Variants in KIF13B observed in about 807,000 individuals in gnomAD.
The protein encoded by KIF13B is kinesin family member 13B, also known as kinesin-like protein KIF13B.
KIF13B carries 127 observed loss-of-function variants against 222.0 expected under a neutral mutation model. The observed-to-expected ratio is 0.57, with a 90% CI of 0.50 to 0.66. KIF13B has a LOEUF of 0.66. Among genes scored for constraint, KIF13B ranks in the 30% least tolerant of loss-of-function variants. KIF13B has a pLI of 0.00. For missense variants in KIF13B, 2,173 were observed against 2,379.0 expected (o/e 0.91, Z 1.80); for synonymous variants, 976 against 919.0 (o/e 1.06, Z -1.12).
At chr8:29,100,709 CA>C (rs1008504928) in intron 35 of KIF13B, among the ~76,000 whole-genome samples, 29 of 152,160 alleles carry the variant, frequency 1.9e-4, no homozygotes, top group Non-Finnish European at 4.4e-5. Flanking sequence ...CTCGGCCTCC[CA>C]AAGTGCTGAG....
At chr8:29,097,139 C>G (rs559734560) in intron 36 of KIF13B, among the ~76,000 whole-genome samples, 1 of 152,222 alleles carries the variant, frequency 6.6e-6, no homozygotes, top group African/African-American at 2.4e-5. Flanking sequence ...AAAGATACAT[C>G]GTGCAAACAG....
Position 29,181,975 on chromosome 8 carries a change from T to C in KIF13B, c.529A>G (p.Ser177Gly), listed in dbSNP as rs780911037. The C allele has an allele frequency of 6.2e-7, 1 of 1,613,586 alleles. No homozygotes were observed. Among genetic ancestry groups the C allele is most frequent in the Admixed American group, 1.7e-5 (1 of 59,998 alleles). Residue 177 changes from serine to glycine, a missense_variant, in exon 7 of 40, where the codon AGT (serine) becomes GGT (glycine). This residue lies in a region of KIF13B where 1,480 missense variants were observed against 1,722.8 expected (regional missense o/e 0.86). Coordinates refer to ENST00000524189, the MANE Select transcript of KIF13B (RefSeq NM_015254.4). ...CCGTCGACATAAGGTCCCAACACAC[T>C]ATGCTCTCTGACTTTCAACGTCTGA... ...SRQTLKVREHSVLGPYVDGLS... is the reference protein window; with the variant it reads ...SRQTLKVREHGVLGPYVDGLS...
Position 29,176,117 on chromosome 8 carries a change from T to C in KIF13B, c.896A>G (p.Lys299Arg). Residue 299 changes from lysine to arginine, a missense_variant, in exon 10 of 40, where the codon AAG becomes AGG. Physicochemically the swap from Lys to Arg is conservative, Grantham distance 26. Transcript: ENST00000524189. ...GTCACGATATGGAACAAATTTATTC[T>C]TGTTTTTGCCAGCACTCTGATCTGC... is the stretch of plus-strand genomic sequence containing the variant. ...ALADQSAGKN[K>R]NKFVPYRDSV... 6.2e-7 allele frequency: 1 copy of C among 1,613,840 alleles called. No individual in the cohort carries two copies.
chr8:29,072,887 C>T (rs1202158618), intron 38 of KIF13B, among the ~76,000 whole-genome samples: 2 of 152,152 alleles, frequency 1.3e-5, no homozygotes, highest in Non-Finnish European at 2.9e-5. Flanking sequence ...CCACCCCCAA[C>T]CTCACGAAGA....
chr8:29,201,357 A>G (rs1457387138), intron 2 of KIF13B, among the ~76,000 whole-genome samples: 1 of 152,224 alleles, frequency 6.6e-6, no homozygotes, highest in Admixed American at 6.5e-5. Context: ...TCTCATTTGA[A>G]TAACAAATCA....
intron 18 of KIF13B, among the ~76,000 whole-genome samples, chr8:29,145,020 A>G (rs1431199782): frequency 6.6e-6 from 1 of 152,130 alleles, no homozygotes; most frequent in Admixed American, 6.6e-5. Context: ...CAACTTATAC[A>G]CTATAAAATC....
At chr8:29,086,043 T>C (rs2133523904) in intron 37 of KIF13B, among the ~76,000 whole-genome samples, 1 of 152,272 alleles carries the variant, frequency 6.6e-6, no homozygotes, top group South Asian at 2.1e-4. Context: ...GTCAGCTCTC[T>C]TAGTCATTGT....
intron 32 of KIF13B, among the ~76,000 whole-genome samples, chr8:29,111,243 G>A (rs1035485268): frequency 1.6e-4 from 24 of 152,178 alleles, no homozygotes; most frequent in Non-Finnish European, 5.9e-5. Flanking sequence ...CTCCTGGTAG[G>A]GTATTCTTTT....
At chr8:29,152,408 C>T (rs146416450) in intron 14 of KIF13B, among the ~76,000 whole-genome samples, 17 of 152,198 alleles carry the variant, frequency 1.1e-4, no homozygotes, top group African/African-American at 3.4e-4. Flanking sequence ...ACAGAGAAAT[C>T]GTTCTTGAAA....
chr8:29,133,142 G>A (rs535519628), intron 22 of KIF13B, among the ~76,000 whole-genome samples: 1 of 152,310 alleles, frequency 6.6e-6, no homozygotes, highest in Admixed American at 6.5e-5. Context: ...TGGATCAAGT[G>A]TGGTACAGGA....
At chr8:29,219,921 G>A (rs760011975) in intron 2 of KIF13B, among the ~76,000 whole-genome samples, 2 of 151,990 alleles carry the variant, frequency 1.3e-5, no homozygotes, top group Non-Finnish European at 2.9e-5. Context: ...AACATTAGCC[G>A]GGTGTGGTGG....
intron 36 of KIF13B, among the ~76,000 whole-genome samples, chr8:29,096,402 TA>T (rs1040470392): frequency 1.8e-4 from 26 of 147,646 alleles, no homozygotes; most frequent in Admixed American, 5.6e-4. Context: ...CAGGTTCAGG[TA>T]ATTCTCCCAC....
chr8:29,184,910 G>T (rs191915179), intron 6 of KIF13B, among the ~76,000 whole-genome samples: 105 of 152,088 alleles, frequency 6.9e-4, no homozygotes, highest in African/African-American at 2.5e-3. Flanking sequence ...GTAGGATGTG[G>T]GTACCTGGAC....
chr8:29,144,685 T>C (rs1005960944), intron 18 of KIF13B, among the ~76,000 whole-genome samples: 10 of 152,152 alleles, frequency 6.6e-5, no homozygotes, highest in African/African-American at 9.7e-5. Flanking sequence ...CCTGGGACTA[T>C]AATAGCAACG....
At chr8:29,156,008 C>T (rs1017061594) in intron 13 of KIF13B, among the ~76,000 whole-genome samples, 152 bp from the exon 14 acceptor site, 42 of 151,844 alleles carry the variant, frequency 2.8e-4, no homozygotes, top group Non-Finnish European at 3.8e-4. Context: ...TTGCTCTATC[C>T]CCCATGCTGG....
At chr8:29,162,307 G>A (rs1253694745) in intron 12 of KIF13B, among the ~76,000 whole-genome samples, 2 of 152,190 alleles carry the variant, frequency 1.3e-5, no homozygotes, top group Admixed American at 6.5e-5. Context: ...GCATGCCATC[G>A]TAATTTATAC....
At chr8:29,223,855 C>A (rs1402513276) in intron 2 of KIF13B, among the ~76,000 whole-genome samples, 1 of 151,902 alleles carries the variant, frequency 6.6e-6, no homozygotes, top group Non-Finnish European at 1.5e-5. Flanking sequence ...CCACGCCTGG[C>A]TAATTTTTTG....
At chr8:29,186,263 T>C (rs1470270629) in intron 6 of KIF13B, 29 bp downstream of exon 6, 2 of 1,566,634 alleles carry the variant, frequency 1.3e-6, no homozygotes, top group East Asian at 4.5e-5. Context: ...TTCACAATGC[T>C]GAAACACTAA....
rs772283335 is a variant in KIF13B at position 29,070,684 on chromosome 8, G to C, written c.5301C>G (p.Val1767=). ...GCCGCACAGGGCCCGTGGCCCTGCG[G>C]ACCCGGCTGGGCCTGACCAGCAGCC... ...GYGLLVRPSR[V]RRATGPVRRR... Residue 1767 remains valine, a synonymous_variant, in exon 40 of 40, where the codon GTC becomes GTG. Coordinates refer to ENST00000524189, the MANE Select transcript of KIF13B (RefSeq NM_015254.4). The surrounding 1 kb of genome is among the most constrained non-coding windows in gnomAD (Gnocchi z 4.1). 7 of 1,560,560 alleles carry C rather than the reference G, an allele frequency of 4.5e-6. No individual in the cohort carries two copies. Among genetic ancestry groups the C allele is most frequent in the Non-Finnish European group, 6.1e-6 (7 of 1,152,856 alleles).
Sources: gnomAD v4.1 joint callset for allele counts (sites outside exome capture counted in the v4.1 genomes callset) on GRCh38, gnomAD v4.1.1 for gene constraint, gnomAD v4.1.1 regional missense constraint, Gnocchi (gnomAD v3.1) non-coding constraint, MANE v1.5 for transcripts, NCBI Gene and HGNC (gene_info 2026-07-23, HGNC 2026-07-21) for gene names.